Variants in SUSD2 observed in about 807,000 individuals in gnomAD.
SUSD2 encodes sushi domain-containing protein 2.
SUSD2 carries 86 observed loss-of-function variants against 93.8 expected under a neutral mutation model. The ratio of observed to expected loss-of-function variants is 0.92; its 90% CI spans 0.77 to 1.10. The LOEUF is 1.10. SUSD2 is among the 50% of genes least tolerant of loss of function. The probability of loss-of-function intolerance (pLI) is 0.00; values close to 1 mark genes in which losing one functional copy is unlikely to be tolerated. For missense variants in SUSD2, 1,060 were observed against 1,137.0 expected, an observed-to-expected ratio of 0.93 and a Z score of 0.97; for synonymous variants, 483 against 485.0, an observed-to-expected ratio of 1.00 and a Z score of 0.05.
In SUSD2 at chr22:24,185,377, G is replaced by A. The variant is rs575194666; in HGVS notation, c.984+82G>A. The A allele has an allele frequency of 3.2e-5, 49 of 1,548,816 alleles. No homozygotes were observed. In the African/African-American group the frequency reaches 5.7e-4, roughly 18 times the overall value. ...GACAGCACCAGGGGAGGCAGACAGA[G>A]GTGTCCTGGAGGGTGGGGCTGGGGT... On this transcript the variant is annotated intron_variant, in intron 6 of 14. Coordinates refer to ENST00000358321, the MANE Select transcript of SUSD2 (RefSeq NM_019601.4).
chr22:24,187,686 C>T lies in SUSD2; in HGVS notation c.2007C>T (p.Thr669=), dbSNP rs1449500391. Residue 669 remains threonine (T), a synonymous_variant, in exon 12 of 15, where the codon ACC becomes ACT. Coordinates refer to ENST00000358321, the MANE Select transcript of SUSD2 (RefSeq NM_019601.4). ...PTFEPLFPSE[T]TLNPSLAQEA... ...TCGAGCCCCTCTTCCCCAGTGAGAC[C>T]ACCCTCAACCCCAGCCTGGCACAAG... is the stretch of plus-strand genomic sequence containing the variant. 6.2e-7 allele frequency: 1 copy of T among 1,614,106 alleles called. No individual in the cohort carries two copies. The highest frequency in any genetic ancestry group is 2.2e-5 in the East Asian group (1 of 44,882).
intron 6 of SUSD2, 93 bp from the exon 7 acceptor site, chr22:24,185,393 G>A (rs1420940956): frequency 1.3e-6 from 2 of 1,533,314 alleles, no homozygotes; most frequent in Non-Finnish European, 1.8e-6. Context: ...CTGGAGGGTG[G>A]GGCTGGGGTC....
Position 24,184,911 on chromosome 22 carries a change from C to T in SUSD2, c.753C>T (p.Ile251=), listed in dbSNP as rs1446606110. The T allele has an allele frequency of 6.2e-7, 1 of 1,613,640 alleles. No homozygotes were observed. Among genetic ancestry groups the T allele is most frequent in the Non-Finnish European group, 8.5e-7 (1 of 1,179,880 alleles). ...YQRWRVGALR[I]IDSKNYAGQK... is the part of the protein sequence containing the mutation. The stretch of plus-strand genomic sequence containing the variant: ...GATGGCGAGTGGGTGCACTTCGGAT[C>T]ATCGACAGCAAAAATTACGCAGGGC... The change falls in exon 5 of 15, where the codon ATC becomes ATT. Residue 251 remains isoleucine, a synonymous_variant. Transcript: ENST00000358321.
chr22:24,181,552 G>A lies in SUSD2; in HGVS notation c.33G>A (p.Leu11=). Residue 11 remains leucine, a synonymous_variant, in exon 1 of 15, where the codon CTG becomes CTA. Transcript: ENST00000358321. MKPALLPWAL[L]LLATALGPGP... ...CAGCCCTCCTGCCCTGGGCCCTGCT[G>A]CTGCTGGCGACAGCCCTCGGCCCGG... The A allele has an allele frequency of 6.3e-7, 1 of 1,599,160 alleles. No individual in the cohort carries two copies. The highest frequency in any genetic ancestry group is 1.1e-5 in the South Asian group (1 of 88,936).
intron 8 of SUSD2, 21 bp from the exon 9 acceptor site, chr22:24,185,995 G>A: frequency 9.4e-6 from 15 of 1,593,364 alleles, no homozygotes; most frequent in Non-Finnish European, 1.3e-5. Context: ...ACCCCCACGT[G>A]ACCCTCCACT....
Position 24,184,786 on chromosome 22 carries a change from T to C in SUSD2, c.628T>C (p.Trp210Arg), listed in dbSNP as rs748611261. Residue 210 changes from tryptophan to arginine, a missense_variant, in exon 5 of 15, where the codon TGG becomes CGG. This residue lies in a region of SUSD2 where 973 missense variants were observed against 1,005.3 expected (regional missense o/e 0.97). Transcript: ENST00000358321. ...CTCAGGAATGCCCTACTCACAGGAG[T>C]GGACTGCAAAGTGGTCGTACCTGTA... ...EETGMPYSQEWTAKWSYLYPL... is the reference protein window; with the variant it reads ...EETGMPYSQERTAKWSYLYPL... 2 of 1,603,772 alleles carry C rather than the reference T, an allele frequency of 1.2e-6. No homozygotes were observed. The highest frequency in any genetic ancestry group is 1.3e-5 in the African/African-American group (1 of 74,308).
rs762239514 is a variant in SUSD2, at chr22:24,187,406, C to A, written c.1847C>A (p.Pro616His). The A allele has an allele frequency of 9.9e-6, 16 of 1,613,432 alleles. No individual in the cohort carries two copies. In the African/African-American group the frequency reaches 2.0e-4, roughly 20 times the overall value. Residue 616 changes from proline to histidine, a missense_variant, in exon 11 of 15, where the codon CCC (proline) becomes CAC (histidine). Around this residue, in one of 2 missense-constraint regions of SUSD2, gnomAD observed 973 missense variants for 1,005.3 expected, o/e 0.97. Coordinates refer to ENST00000358321, the MANE Select transcript of SUSD2 (RefSeq NM_019601.4). ...DFTLHSGRVL[P>H]PGTSPQELFL... ...ACCCTGCACAGCGGGCGCGTCCTGC[C>A]CCCAGGCACCAGTCCCCAGGAGCTG...
In SUSD2 at chr22:24,187,956, C is replaced by T; in HGVS notation, c.2165-3C>T. 2 of 1,612,690 alleles carry T rather than the reference C, an allele frequency of 1.2e-6. No individual in the cohort carries two copies. Among genetic ancestry groups the T allele is most frequent in the South Asian group, 1.1e-5 (1 of 91,030 alleles). On this transcript the variant is annotated splice_region_variant and splice_polypyrimidine_tract_variant and intron_variant, in intron 12 of 14. Coordinates refer to ENST00000358321, the MANE Select transcript of SUSD2 (RefSeq NM_019601.4). ...TGTTGTCTGCACTCTGTCCCCATCC[C>T]AGTGGTGTCCTGTGGCTGGCTGGCC... is the stretch of plus-strand genomic sequence containing the variant.
intron 4 of SUSD2, among the ~76,000 whole-genome samples, 194 bp from the exon 5 acceptor site, chr22:24,184,572 T>C (rs1403346918): frequency 6.6e-6 from 1 of 151,980 alleles, no homozygotes; most frequent in Admixed American, 6.5e-5. Flanking sequence ...TGGGCCCAGC[T>C]TCCAGCAGGG....
chr22:24,187,258 G>A lies in SUSD2; in HGVS notation c.1699G>A (p.Ala567Thr). The A allele has an allele frequency of 1.2e-6, 2 of 1,614,002 alleles. No homozygotes were observed. The highest frequency in any genetic ancestry group is 1.7e-6 in the Non-Finnish European group (2 of 1,180,006). ...GGTCTCCATCATGCTGGCATCAGGGGCCGGCCTGGAGGTCAGCGTGCAGGG... is the reference window on the plus strand; with the variant it reads ...GGTCTCCATCATGCTGGCATCAGGGACCGGCCTGGAGGTCAGCGTGCAGGG... ...DRVSIMLASG[A>T]GLEVSVQGPF... is the part of the protein sequence containing the mutation. The change falls in exon 11 of 15, where the codon GCC (alanine) becomes ACC (threonine). Residue 567 changes from alanine (A) to threonine (T), a missense_variant. This residue lies in a region of SUSD2 where 973 missense variants were observed against 1,005.3 expected (regional missense o/e 0.97). Coordinates refer to ENST00000358321, the MANE Select transcript of SUSD2 (RefSeq NM_019601.4).
Position 24,187,215 on chromosome 22 carries a change from G to T in SUSD2, c.1656G>T (p.Ser552=). 2 of 1,612,948 alleles carry T rather than the reference G, an allele frequency of 1.2e-6. No homozygotes were observed. Among genetic ancestry groups the T allele is most frequent in the Non-Finnish European group, 8.5e-7 (1 of 1,179,952 alleles). The change falls in exon 11 of 15, where the codon TCG becomes TCT. Residue 552 remains serine, a synonymous_variant. Transcript: ENST00000358321. The part of the protein sequence containing the change: ...SWMDLKGMFL[S]VAAGDRVSIM... ...CCTTGAGCCCAGGAATGTTCCTGTCGGTGGCTGCCGGGGACAGGGTCTCCA... is the reference window on the plus strand; with the variant it reads ...CCTTGAGCCCAGGAATGTTCCTGTCTGTGGCTGCCGGGGACAGGGTCTCCA...
At position 24,187,581 on chromosome 22, in the gene SUSD2, C is replaced by T. The variant is rs575203242; in HGVS notation, c.1902C>T (p.His634=). ...LFLFGANWTV[H]NASSLLTYDS... is the part of the protein sequence containing the mutation. ...TCATGTATCTTCCAGGGACCGTGCA[C>T]AATGCGTCCTCCCTGCTCACCTACG... is the stretch of plus-strand genomic sequence containing the variant. Residue 634 remains histidine (H), a synonymous_variant, in exon 12 of 15, where the codon CAC becomes CAT. Coordinates refer to ENST00000358321, the MANE Select transcript of SUSD2 (RefSeq NM_019601.4). 2 of 1,612,358 alleles carry T rather than the reference C, an allele frequency of 1.2e-6. No individual in the cohort carries two copies. Among genetic ancestry groups the T allele is most frequent in the East Asian group, 4.5e-5 (2 of 44,860 alleles).
intron 2 of SUSD2, 73 bp downstream of exon 2, chr22:24,183,340 A>C: frequency 6.4e-7 from 1 of 1,557,644 alleles, no homozygotes; most frequent in South Asian, 1.2e-5. Context: ...GCTCAGACCC[A>C]CTGACTGGCT....
chr22:24,185,340 C>T lies in SUSD2; in HGVS notation c.984+45C>T, dbSNP rs776964929. On this transcript the variant is annotated intron_variant, in intron 6 of 14. Coordinates refer to ENST00000358321, the MANE Select transcript of SUSD2 (RefSeq NM_019601.4). The stretch of plus-strand genomic sequence containing the variant: ...CCAGGAGAGGGGATGAGGGGTTAGC[C>T]TCCCCACTGAGGACAGCACCAGGGG... The T allele has an allele frequency of 1.9e-6, 3 of 1,583,506 alleles. No homozygotes were observed. The South Asian group carries it at 3.4e-5, about 18-fold the overall frequency.
In SUSD2 at chr22:24,183,155, C is replaced by A; in HGVS notation, c.175C>A (p.Arg59=). The A allele has an allele frequency of 3.1e-6, 5 of 1,614,050 alleles. No individual in the cohort carries two copies. Among genetic ancestry groups the A allele is most frequent in the Non-Finnish European group, 4.2e-6 (5 of 1,179,888 alleles). ...CCTTGGCACCTGCTGCTTGGATTTC[C>A]GGGACTTCTGCCTGGAGATATTGCC... ...SGLGTCCLDF[R]DFCLEILPYS... is the part of the protein sequence containing the mutation. Residue 59 remains arginine (R), a synonymous_variant, in exon 2 of 15, where the codon CGG becomes AGG. Coordinates refer to ENST00000358321, the MANE Select transcript of SUSD2 (RefSeq NM_019601.4).
chr22:24,187,916 A>C, intron 12 of SUSD2, 43 bp from the exon 13 acceptor site: 1 of 1,608,740 alleles, frequency 6.2e-7, no homozygotes, highest in Non-Finnish European at 8.5e-7. Context: ...GTGTGTATGC[A>C]TGGCAGCTCA....
Position 24,184,944 on chromosome 22 carries a change from A to C in SUSD2, c.782+4A>C. ...GCAAAAATTACGCAGGGCAGAAGTA[A>C]GAAGGCATGGATGTGCAGGTGATGG... is the stretch of plus-strand genomic sequence containing the variant. On this transcript the variant is annotated splice_donor_region_variant and intron_variant, in intron 5 of 14. Coordinates refer to ENST00000358321, the MANE Select transcript of SUSD2 (RefSeq NM_019601.4). 1 of 1,613,548 alleles carries C rather than the reference A, an allele frequency of 6.2e-7. No individual in the cohort carries two copies. Among genetic ancestry groups the C allele is most frequent in the Non-Finnish European group, 8.5e-7 (1 of 1,179,810 alleles).
rs1450843134 is a variant in SUSD2 at position 24,186,435 on chromosome 22, G to A, written c.1642+20G>A. The A allele has an allele frequency of 1.8e-5, 29 of 1,610,318 alleles. No homozygotes were observed. Among genetic ancestry groups the A allele is most frequent in the South Asian group, 4.4e-5 (4 of 90,864 alleles). On this transcript the variant is annotated intron_variant, in intron 10 of 14. Transcript: ENST00000358321. ...TGAAAGGTGAGCAGTCCAGCCACGCGAGGCTGCGGGCTGCCCTCACCTCCT... is the reference window on the plus strand; with the variant it reads ...TGAAAGGTGAGCAGTCCAGCCACGCAAGGCTGCGGGCTGCCCTCACCTCCT...
Position 24,188,258 on chromosome 22 carries a change from T to C in SUSD2, c.2375T>C (p.Phe792Ser), listed in dbSNP as rs771937731. The change falls in exon 14 of 15, where the codon TTT becomes TCT. Residue 792 changes from phenylalanine to serine, a missense_variant. Physicochemically the swap from Phe to Ser is radical, Grantham distance 155. Transcript: ENST00000358321. The surrounding 1 kb of genome is among the most constrained non-coding windows in gnomAD (Gnocchi z 4.7). Reference protein sequence around the residue: ...RSYAVLLGIIFGGLAVVAAVA... With the variant: ...RSYAVLLGIISGGLAVVAAVA... ...TACGCGGTGCTGTTGGGCATCATCT[T>C]TGGGGGCCTCGCGGTGGTGGCGGCG... 6.2e-7 allele frequency: 1 copy of C among 1,604,896 alleles called. No homozygotes were observed. Among genetic ancestry groups the C allele is most frequent in the Non-Finnish European group, 8.5e-7 (1 of 1,174,834 alleles).
Sources: allele counts gnomAD v4.1 joint callset (sites outside exome capture counted in the v4.1 genomes callset), GRCh38; gene constraint gnomAD v4.1.1; regional missense constraint gnomAD v4.1.1; non-coding constraint Gnocchi (gnomAD v3.1); transcripts MANE v1.5; gene names NCBI Gene and HGNC (gene_info 2026-07-23, HGNC 2026-07-21).